Variants in STXBP5 observed in about 807,000 individuals in gnomAD.
The protein encoded by STXBP5 is syntaxin binding protein 5.
Under a neutral mutation model 152.4 loss-of-function variants are expected in STXBP5, and 50 were observed. The observed-to-expected ratio is 0.33, with a 90% confidence interval of 0.26 to 0.42. The LOEUF is 0.42. Ranked by LOEUF, STXBP5 falls within the 10% of genes least tolerant of loss-of-function variation. The pLI is 1.00. For missense variants in STXBP5, 1,167 were observed against 1,388.6 expected, an observed-to-expected ratio of 0.84 and a Z score of 2.54; for synonymous variants, 492 against 494.7, an observed-to-expected ratio of 0.99 and a Z score of 0.07.
At chr6:147,312,626 T>C (rs540638375) in intron 11 of STXBP5, among the ~76,000 whole-genome samples, 1 of 152,198 alleles carries the variant, frequency 6.6e-6, no homozygotes, top group South Asian at 2.1e-4. Flanking sequence ...AGTAGAACAT[T>C]ATCTCGTCCA....
chr6:147,262,311 A>T lies in STXBP5; in HGVS notation c.588A>T (p.Gly196=), dbSNP rs1369008525. Residue 196 remains glycine (G), a synonymous_variant, in exon 6 of 28, where the codon GGA becomes GGT. Transcript: ENST00000321680. ...TTAGGTCATCTAAATCTCACCCAGG[A>T]CCTGTGGTCCATATAAGTGATAATC... ...AIELSSKSHP[G]PVVHISDNPM... is the part of the protein sequence containing the mutation. 6.4e-6 allele frequency: 10 copies of T among 1,553,900 alleles called. No homozygotes were observed. The highest frequency in any genetic ancestry group is 8.6e-6 in the Non-Finnish European group (10 of 1,156,474).
intron 21 of STXBP5, among the ~76,000 whole-genome samples, chr6:147,348,022 T>A (rs1784417127): frequency 3.3e-5 from 5 of 152,232 alleles, no homozygotes. Flanking sequence ...TGAATTATTT[T>A]TACAAAAACA....
At chr6:147,374,825 A>C (rs80175491) in intron 26 of STXBP5, among the ~76,000 whole-genome samples, 4,625 of 151,908 alleles carry the variant, frequency 0.03, 64 homozygotes, top group Middle Eastern at 0.055. Context: ...CCCTAAAATA[A>C]CTCCTGCTAT....
intron 26 of STXBP5, among the ~76,000 whole-genome samples, chr6:147,378,514 T>G (rs954049187): frequency 4.6e-5 from 7 of 151,966 alleles, no homozygotes; most frequent in Admixed American, 1.3e-4. Flanking sequence ...TATTAAAAAT[T>G]ATTCCTTTGA....
intron 25 of STXBP5, among the ~76,000 whole-genome samples, chr6:147,370,643 G>A (rs1785496787): frequency 6.6e-6 from 1 of 151,738 alleles, no homozygotes. Context: ...TCGTAGAGGT[G>A]GAACATACCA....
intron 17 of STXBP5, among the ~76,000 whole-genome samples, chr6:147,326,761 C>G (rs751429214): frequency 2.0e-5 from 3 of 152,160 alleles, no homozygotes; most frequent in Non-Finnish European, 4.4e-5. Context: ...CTCCTACTTT[C>G]CTAATAGAAG....
intron 2 of STXBP5, among the ~76,000 whole-genome samples, chr6:147,224,614 C>A (rs751637757): frequency 2.6e-5 from 4 of 152,034 alleles, no homozygotes; most frequent in African/African-American, 4.8e-5. Context: ...TTCATTTTTT[C>A]CTGGTAACCT....
intron 22 of STXBP5, among the ~76,000 whole-genome samples, chr6:147,357,363 A>G (rs546617625): frequency 6.6e-5 from 10 of 152,086 alleles, no homozygotes; most frequent in Non-Finnish European, 1.2e-4. Flanking sequence ...TTTGGAGAAA[A>G]TTGTGTGGCT....
At chr6:147,324,271 T>TTTG (rs1783102289) in intron 16 of STXBP5, among the ~76,000 whole-genome samples, 3 of 123,122 alleles carry the variant, frequency 2.4e-5, no homozygotes, top group South Asian at 2.9e-4. Flanking sequence ...TTGGTTTTTT[T>TTTG]TTTTTTTTTT....
chr6:147,311,368 CTAAA>C (rs1378414064), intron 10 of STXBP5, 83 bp from the exon 11 acceptor site: 72 of 1,121,990 alleles, frequency 6.4e-5, no homozygotes, highest in Non-Finnish European at 8.7e-5. Context: ...GAGAATGAAA[CTAAA>C]TAAAATCAAG....
chr6:147,276,560 C>T (rs1276927846), intron 7 of STXBP5, among the ~76,000 whole-genome samples: 3 of 152,038 alleles, frequency 2.0e-5, no homozygotes, highest in Non-Finnish European at 4.4e-5. Context: ...ATGTTTTTAT[C>T]TATAGGTTCC....
At chr6:147,321,665 T>A (rs984843858) in intron 16 of STXBP5, among the ~76,000 whole-genome samples, 1 of 152,232 alleles carries the variant, frequency 6.6e-6, no homozygotes, top group African/African-American at 2.4e-5. Flanking sequence ...ATTGTCCCTT[T>A]GCAAGGTACT....
intron 25 of STXBP5, among the ~76,000 whole-genome samples, chr6:147,372,576 A>C (rs537234353): frequency 6.6e-6 from 1 of 150,730 alleles, no homozygotes; most frequent in South Asian, 2.1e-4. Flanking sequence ...CTGGGATTAC[A>C]GGCGCAGGCC....
At chr6:147,290,769 T>G (rs1781238505) in intron 8 of STXBP5, among the ~76,000 whole-genome samples, 1 of 152,220 alleles carries the variant, frequency 6.6e-6, no homozygotes, top group African/African-American at 2.4e-5. Context: ...TAAAATGAAT[T>G]CATTTAGCAA....
rs374688760 is a variant in STXBP5 at position 147,295,013 on chromosome 6, G to GT, written c.917+3842dup. Among the ~76,000 whole-genome samples the GT allele has an allele frequency of 2.2e-4, 33 of 152,226 alleles. No homozygotes were observed. In the East Asian group the frequency reaches 6.4e-3, roughly 29 times the overall value. ...CCACTTACTAACTGTATTATCTTTG[G>GT]TAGGTTACCTAACCTCGCTGACCTT... On this transcript the variant is annotated intron_variant, in intron 9 of 27. Transcript: ENST00000321680.
At chr6:147,343,444 T>G (rs1445759366) in intron 21 of STXBP5, among the ~76,000 whole-genome samples, 2 of 152,172 alleles carry the variant, frequency 1.3e-5, no homozygotes, top group Non-Finnish European at 2.9e-5. Context: ...ACTCATTAAC[T>G]CACATAATTT....
chr6:147,205,725 G>A (rs1776516160), intron 1 of STXBP5, among the ~76,000 whole-genome samples: 1 of 152,128 alleles, frequency 6.6e-6, no homozygotes, highest in African/African-American at 2.4e-5. Flanking sequence ...TTTCTTCTAT[G>A]GAATACCAGT....
At chr6:147,317,240 G>A (rs2128376753) in intron 16 of STXBP5, among the ~76,000 whole-genome samples, 1 of 152,234 alleles carries the variant, frequency 6.6e-6, no homozygotes, top group East Asian at 1.9e-4. Flanking sequence ...ATCTGCTTGA[G>A]TCTCTTCTAC....
chr6:147,367,030 A>G (rs1416870576), intron 25 of STXBP5, among the ~76,000 whole-genome samples: 2 of 152,232 alleles, frequency 1.3e-5, no homozygotes, highest in South Asian at 2.1e-4. Flanking sequence ...GAACTGACAT[A>G]CATACCAGAA....
Sources: gnomAD v4.1 joint callset for allele counts (sites outside exome capture counted in the v4.1 genomes callset) on GRCh38, gnomAD v4.1.1 for gene constraint, MANE v1.5 for transcripts, NCBI Gene and HGNC (gene_info 2026-07-23, HGNC 2026-07-21) for gene names.